The following MYO5B variants were observed in gnomAD, a reference collection of about 807,000 sequenced individuals.
MYO5B encodes unconventional myosin-Vb.
In MYO5B, 143 loss-of-function variants were observed where a neutral mutation model predicts 229.3. That is an observed-to-expected ratio of 0.62 (90% CI 0.54 to 0.72). The LOEUF (loss-of-function observed/expected upper bound fraction) is 0.72, where lower values mean the gene tolerates loss of function less well. Among genes scored for constraint, MYO5B ranks in the 30% least tolerant of loss-of-function variants. The pLI, the probability that MYO5B is intolerant of heterozygous loss-of-function variation, is 0.00. For synonymous variants in MYO5B, 918 were observed against 885.2 expected (o/e 1.04, Z -0.66); for missense variants, 2,321 against 2,331.0 (o/e 1.00, Z 0.09).
chr18:50,034,553 G>A (rs2026427317), intron 4 of MYO5B, among the ~76,000 whole-genome samples: 1 of 152,178 alleles, frequency 6.6e-6, no homozygotes, highest in Non-Finnish European at 1.5e-5. Context: ...AGGCCAGCCT[G>A]GCCAACATGG....
At chr18:49,919,508 T>C (rs2144176405) in intron 17 of MYO5B, among the ~76,000 whole-genome samples, 1 of 152,154 alleles carries the variant, frequency 6.6e-6, no homozygotes, top group East Asian at 1.9e-4. Context: ...ATAAAAAAAA[T>C]GGGCAAAGGA....
intron 4 of MYO5B, among the ~76,000 whole-genome samples, chr18:50,005,190 C>G (rs1309383011): frequency 6.6e-6 from 1 of 152,160 alleles, no homozygotes; most frequent in East Asian, 1.9e-4. Context: ...CAAGTCTAAG[C>G]TTTTTAGTTG....
chr18:50,075,659 C>G (rs2031062084), intron 1 of MYO5B, among the ~76,000 whole-genome samples: 1 of 152,178 alleles, frequency 6.6e-6, no homozygotes, highest in Admixed American at 6.5e-5. Context: ...AGACTACAGG[C>G]TTTAGGCTTC....
intron 6 of MYO5B, among the ~76,000 whole-genome samples, chr18:49,991,597 A>G (rs1038927735): frequency 2.0e-5 from 3 of 152,204 alleles, no homozygotes; most frequent in African/African-American, 4.8e-5. Context: ...AGTCAGGTGA[A>G]AAGTGGGACA....
chr18:50,047,706 G>A (rs369053328), intron 2 of MYO5B, among the ~76,000 whole-genome samples: 4 of 151,914 alleles, frequency 2.6e-5, no homozygotes, highest in Non-Finnish European at 4.4e-5. Flanking sequence ...TCCAACAACG[G>A]TAGACTGGAT....
chr18:49,876,501 G>C (rs2024525594), intron 25 of MYO5B, among the ~76,000 whole-genome samples: 2 of 152,206 alleles, frequency 1.3e-5, no homozygotes, highest in South Asian at 2.1e-4. Flanking sequence ...GTACATGTGA[G>C]ACAATATAAT....
chr18:50,136,209 T>A (rs1314624749), intron 1 of MYO5B, among the ~76,000 whole-genome samples: 1 of 152,210 alleles, frequency 6.6e-6, no homozygotes, highest in African/African-American at 2.4e-5. Context: ...AGTATGTACT[T>A]AGAGAAGCCT....
intron 29 of MYO5B, among the ~76,000 whole-genome samples, chr18:49,857,703 G>T (rs2024279213): frequency 6.6e-6 from 1 of 152,206 alleles, no homozygotes; most frequent in East Asian, 1.9e-4. Flanking sequence ...CTCTTTTGCT[G>T]TGTCCAAGTC....
intron 1 of MYO5B, among the ~76,000 whole-genome samples, chr18:50,132,521 A>T (rs1568119194): frequency 6.6e-6 from 1 of 152,236 alleles, no homozygotes; most frequent in Non-Finnish European, 1.5e-5. Flanking sequence ...TTCTAGGCCG[A>T]CAAGTCCAGT....
chr18:50,150,159 C>A (rs1399689868), intron 1 of MYO5B, among the ~76,000 whole-genome samples: 1 of 136,038 alleles, frequency 7.4e-6, no homozygotes, highest in East Asian at 2.2e-4. Context: ...GTTAGAATGG[C>A]AATCATTAAA....
chr18:50,011,870 C>T (rs924584420), intron 4 of MYO5B, among the ~76,000 whole-genome samples: 10 of 151,826 alleles, frequency 6.6e-5, no homozygotes, highest in African/African-American at 2.2e-4. Context: ...CCCTGTAGTA[C>T]GGTGGGTATA....
chr18:50,105,736 C>T (rs895585748), intron 1 of MYO5B, among the ~76,000 whole-genome samples: 2 of 151,912 alleles, frequency 1.3e-5, no homozygotes, highest in Non-Finnish European at 1.5e-5. Context: ...AAAACCACTG[C>T]TCTAGAACAT....
At chr18:50,191,804 T>C (rs79950310) in intron 1 of MYO5B, among the ~76,000 whole-genome samples, 4,687 of 152,266 alleles carry the variant, frequency 0.031, 226 homozygotes, top group African/African-American at 0.1. Context: ...ATGAATGGGA[T>C]CTAGAACAGG....
chr18:50,068,014 CACGTACATACATATAT>C (rs1291216377), intron 1 of MYO5B, among the ~76,000 whole-genome samples: 2 of 146,134 alleles, frequency 1.4e-5, no homozygotes, highest in Non-Finnish European at 3.0e-5. Context: ...TATATACACA[CACGTACATACATATAT>C]ATATACACAC....
At chr18:49,887,741 C>T (rs1328622972) in intron 22 of MYO5B, among the ~76,000 whole-genome samples, 5 of 152,116 alleles carry the variant, frequency 3.3e-5, no homozygotes, top group South Asian at 4.2e-4. Flanking sequence ...ATTGCAGTGG[C>T]GCGATCTCAG....
At position 50,140,355 on chromosome 18, in the gene MYO5B, T is replaced by C. The variant is rs536100840; in HGVS notation, c.27+54412A>G. Among the ~76,000 whole-genome samples the C allele has an allele frequency of 1.7e-3, 254 of 152,264 alleles. 9 individuals are homozygous for C. Among genetic ancestry groups the C allele is most frequent in the Non-Finnish European group, 1.4e-3 (92 of 68,028 alleles). ...CTTCCCAAACATGGTGCTGAGTGAG[T>C]GAACAGGGAGGAAACTAAAGCAATG... On this transcript the variant is annotated intron_variant, in intron 1 of 39. Coordinates refer to ENST00000285039, the MANE Select transcript of MYO5B (RefSeq NM_001080467.3).
chr18:49,856,925 T>C, intron 29 of MYO5B, 35 bp from the exon 30 acceptor site: 1 of 1,564,802 alleles, frequency 6.4e-7, no homozygotes, highest in South Asian at 1.1e-5. Flanking sequence ...GGGTGTCCAG[T>C]GTAGACGGAA....
intron 27 of MYO5B, among the ~76,000 whole-genome samples, chr18:49,868,188 T>A (rs1244521656): frequency 6.6e-6 from 1 of 152,176 alleles, no homozygotes; most frequent in Non-Finnish European, 1.5e-5. Context: ...TGCCTTTAAG[T>A]GGCAGGAATA....
intron 4 of MYO5B, among the ~76,000 whole-genome samples, chr18:50,033,572 A>G (rs1306086533): frequency 1.3e-5 from 2 of 152,156 alleles, no homozygotes; most frequent in African/African-American, 4.8e-5. Flanking sequence ...ACATCTGCTG[A>G]TAATGATTTG....
Sources: allele counts gnomAD v4.1 joint callset (sites outside exome capture counted in the v4.1 genomes callset), GRCh38; gene constraint gnomAD v4.1.1; transcripts MANE v1.5; gene names NCBI Gene and HGNC (gene_info 2026-07-23, HGNC 2026-07-21).